Variants in LRP1B observed in about 807,000 individuals in gnomAD.
The protein encoded by LRP1B is LDL receptor related protein 1B.
LRP1B carries 217 observed loss-of-function variants against 556.6 expected under a neutral mutation model. The ratio of observed to expected loss-of-function variants is 0.39; its 90% CI spans 0.35 to 0.44. LRP1B has a LOEUF of 0.44. Ranked by LOEUF, LRP1B falls within the 20% of genes least tolerant of loss-of-function variation. The pLI is 1.00. For synonymous variants in LRP1B, 2,047 were observed against 1,865.8 expected (o/e 1.10, Z -2.50); for missense variants, 5,053 against 5,620.8 (o/e 0.90, Z 3.23).
chr2:141,447,489 C>T (rs575104767), intron 3 of LRP1B, among the ~76,000 whole-genome samples: 11 of 152,042 alleles, frequency 7.2e-5, no homozygotes, highest in Non-Finnish European at 1.2e-4. Context: ...GGAGAAGAGG[C>T]GTTCCAGTTT....
At chr2:140,582,956 G>T (rs562626968) in intron 43 of LRP1B, among the ~76,000 whole-genome samples, 1 of 152,166 alleles carries the variant, frequency 6.6e-6, no homozygotes, top group East Asian at 1.9e-4. Flanking sequence ...TTCCCCATTT[G>T]TGCTCAGTCC....
chr2:141,159,636 TATC>T (rs1272322205), intron 7 of LRP1B, among the ~76,000 whole-genome samples: 3 of 152,130 alleles, frequency 2.0e-5, no homozygotes, highest in Non-Finnish European at 4.4e-5. Context: ...TGCCTTTTGT[TATC>T]ATCACTTTTT....
rs752577400 is a variant in LRP1B, at chr2:141,229,219, C to G, written c.814G>C (p.Asp272His). 9 of 1,613,064 alleles carry G rather than the reference C, an allele frequency of 5.6e-6. No individual in the cohort carries two copies. In the African/African-American group the frequency reaches 1.1e-4, roughly 19 times the overall value. Residue 272 changes from aspartate (D) to histidine (H), a missense_variant, in exon 6 of 91, where the codon GAT becomes CAT. Physicochemically the swap from Asp to His is moderately conservative, Grantham distance 81. Coordinates refer to ENST00000389484, the MANE Select transcript of LRP1B (RefSeq NM_018557.3). ...IQITKAGGLT[D>H]EWTINILQSF... ...TGAAGAATATTGATTGTCCATTCAT[C>G]TGTTAATCCTCCTGCTTTTGTTATC...
At chr2:141,751,996 T>C (rs1031358622) in intron 2 of LRP1B, among the ~76,000 whole-genome samples, 1 of 151,752 alleles carries the variant, frequency 6.6e-6, no homozygotes, top group Non-Finnish European at 1.5e-5. Context: ...TGTAACGGAT[T>C]AAAACGGGCT....
intron 3 of LRP1B, 32 bp downstream of exon 3, chr2:141,480,363 AT>A: frequency 6.2e-7 from 1 of 1,612,154 alleles, no homozygotes; most frequent in Non-Finnish European, 8.5e-7. Flanking sequence ...AAAATTTAAT[AT>A]TTCAGTTGCA....
chr2:141,374,178 T>C (rs1206988529), intron 3 of LRP1B, among the ~76,000 whole-genome samples: 1 of 152,172 alleles, frequency 6.6e-6, no homozygotes, highest in East Asian at 1.9e-4. Context: ...AGTGTTTTTC[T>C]TTCAGCACTT....
chr2:141,474,609 A>C (rs1682630569), intron 3 of LRP1B, among the ~76,000 whole-genome samples: 1 of 152,224 alleles, frequency 6.6e-6, no homozygotes, highest in Non-Finnish European at 1.5e-5. Context: ...TGGAAAGTAA[A>C]GTAAAATAAT....
intron 2 of LRP1B, among the ~76,000 whole-genome samples, chr2:141,481,848 T>C (rs1682929922): frequency 6.6e-6 from 1 of 152,196 alleles, no homozygotes; most frequent in African/African-American, 2.4e-5. Flanking sequence ...GCTCTTAGAA[T>C]ACTGTCTGGC....
At chr2:140,630,362 A>C (rs1683834398) in intron 41 of LRP1B, among the ~76,000 whole-genome samples, 1 of 152,204 alleles carries the variant, frequency 6.6e-6, no homozygotes, top group Non-Finnish European at 1.5e-5. Context: ...AATAAGAGAA[A>C]AGCTGCAAAA....
chr2:140,545,056 G>A (rs1003317618), intron 43 of LRP1B, among the ~76,000 whole-genome samples: 1 of 151,432 alleles, frequency 6.6e-6, no homozygotes, highest in Admixed American at 6.6e-5. Context: ...GTCATGTTGA[G>A]CTTTTTTTCA....
chr2:140,427,880 C>T (rs1206283543), intron 66 of LRP1B, among the ~76,000 whole-genome samples: 6 of 152,138 alleles, frequency 3.9e-5, no homozygotes, highest in Admixed American at 3.3e-4. Flanking sequence ...CACCTCCCTT[C>T]CTCACACGGG....
chr2:141,312,096 T>C (rs532417478), intron 3 of LRP1B, among the ~76,000 whole-genome samples: 1 of 152,310 alleles, frequency 6.6e-6, no homozygotes, highest in African/African-American at 2.4e-5. Context: ...TGGTTTGAAA[T>C]GCATGGGTTT....
intron 1 of LRP1B, among the ~76,000 whole-genome samples, chr2:141,957,598 C>CT (rs1228164124): frequency 5.9e-5 from 9 of 151,916 alleles, no homozygotes; most frequent in Non-Finnish European, 1.5e-5. Context: ...TGCTCTTTTC[C>CT]TATGATTCCA....
intron 51 of LRP1B, among the ~76,000 whole-genome samples, chr2:140,511,305 T>TTG (rs1689643483): frequency 7.4e-6 from 1 of 134,240 alleles, no homozygotes; most frequent in Non-Finnish European, 1.6e-5. Context: ...TTTTTTTTTT[T>TTG]TTTTTTTTTT....
intron 18 of LRP1B, among the ~76,000 whole-genome samples, chr2:140,972,034 G>A (rs1258688956): frequency 2.0e-5 from 3 of 152,140 alleles, no homozygotes; most frequent in African/African-American, 7.2e-5. Context: ...ACTACAAGCC[G>A]TTTTTAATAA....
In LRP1B at chr2:140,463,973, AT is replaced by A. The variant is rs555135471; in HGVS notation, c.9626-6323del. Among the ~76,000 whole-genome samples the A allele has an allele frequency of 2.0e-3, 301 of 152,230 alleles. 2 individuals are homozygous for A. The highest frequency in any genetic ancestry group is 4.1e-3 in the Admixed American group (62 of 15,288). On this transcript the variant is annotated intron_variant, in intron 60 of 90. Coordinates refer to ENST00000389484, the MANE Select transcript of LRP1B (RefSeq NM_018557.3). The stretch of plus-strand genomic sequence containing the variant: ...CATTTTGGGAGGCTGAGGTGGGCAG[AT>A]CACCTGAGGTCAGGAGTTCGAGACC...
chr2:140,865,350 G>A (rs1017856732), intron 27 of LRP1B, among the ~76,000 whole-genome samples: 16 of 151,796 alleles, frequency 1.1e-4, no homozygotes, highest in African/African-American at 3.9e-4. Flanking sequence ...TTATAGTACT[G>A]AATGTCATGT....
chr2:141,298,161 T>C (rs1023953816), intron 3 of LRP1B, among the ~76,000 whole-genome samples: 3 of 152,208 alleles, frequency 2.0e-5, no homozygotes, highest in African/African-American at 7.2e-5. Context: ...AGCTATTAAC[T>C]GAATAATAAT....
chr2:141,998,091 C>CT (rs1163459292), intron 1 of LRP1B, among the ~76,000 whole-genome samples: 1 of 152,116 alleles, frequency 6.6e-6, no homozygotes, highest in Non-Finnish European at 1.5e-5. Flanking sequence ...AAAAGCACTA[C>CT]ATGGCTTAGT....
Sources: allele counts gnomAD v4.1 joint callset (sites outside exome capture counted in the v4.1 genomes callset), GRCh38; gene constraint gnomAD v4.1.1; transcripts MANE v1.5; gene names NCBI Gene and HGNC (gene_info 2026-07-23, HGNC 2026-07-21).